Variants in BORCS5 observed in about 807,000 individuals in gnomAD.
BORCS5 encodes the protein BLOC-1-related complex subunit 5.
Under a neutral mutation model 22.1 loss-of-function variants are expected in BORCS5, and 17 were observed. That is an observed-to-expected ratio of 0.77 (90% CI 0.53 to 1.15). The LOEUF (loss-of-function observed/expected upper bound fraction) is 1.15, where lower values mean the gene tolerates loss of function less well. Ranked by LOEUF, BORCS5 falls within the 50% of genes most tolerant of loss-of-function variation. BORCS5 has a pLI of 0.00. For missense variants in BORCS5, 247 were observed against 253.2 expected, an observed-to-expected ratio of 0.98 and a Z score of 0.17; for synonymous variants, 117 against 99.8, an observed-to-expected ratio of 1.17 and a Z score of -1.03.
intron 2 of BORCS5, among the ~76,000 whole-genome samples, chr12:12,415,243 C>G (rs1275663138): frequency 1.3e-5 from 2 of 151,174 alleles, no homozygotes; most frequent in African/African-American, 4.8e-5. Context: ...CGCCACTGCA[C>G]TCCAGCCTGG....
At chr12:12,438,360 C>CAAAA (rs57737663) in intron 3 of BORCS5, among the ~76,000 whole-genome samples, 8 of 23,786 alleles carry the variant, frequency 3.4e-4, no homozygotes, top group African/African-American at 6.9e-4. Context: ...GATTTCATCT[C>CAAAA]AAAAAAAAAA....
intron 1 of BORCS5, 63 bp from the exon 2 acceptor site, chr12:12,361,143 A>T (rs1863274653): frequency 6.6e-7 from 1 of 1,526,296 alleles, no homozygotes; most frequent in South Asian, 1.2e-5. Flanking sequence ...TACACCAAAA[A>T]CTGCTTTGGT....
intron 2 of BORCS5, among the ~76,000 whole-genome samples, chr12:12,418,686 C>G (rs571532792): frequency 6.6e-6 from 1 of 152,270 alleles, no homozygotes; most frequent in South Asian, 2.1e-4. Flanking sequence ...GACTCTCTTT[C>G]AGTATAGCTC....
At chr12:12,368,247 T>C (rs1863445300) in intron 2 of BORCS5, among the ~76,000 whole-genome samples, 1 of 152,032 alleles carries the variant, frequency 6.6e-6, no homozygotes, top group Non-Finnish European at 1.5e-5. Context: ...TCCTTTAGTT[T>C]ATGATACCTC....
rs919894559 is a variant in BORCS5, at chr12:12,357,269, CCTT to C, written c.-180_-178del. The C allele has an allele frequency of 1.6e-5, 23 of 1,458,918 alleles. No homozygotes were observed. The highest frequency in any genetic ancestry group is 9.9e-5 in the African/African-American group (7 of 70,506). 90.4% of individuals were successfully genotyped at this position (1,458,918 alleles called of 1,614,324 possible). A position where few individuals can be genotyped will look rare whatever the true frequency, so the allele number is the denominator to read the frequency against. On this transcript the variant is annotated 5_prime_UTR_variant, in exon 1 of 4. Coordinates refer to ENST00000314565, the MANE Select transcript of BORCS5 (RefSeq NM_058169.6). ...TTTCTGTTCCCCAAATAGGGCCTCT[CCTT>C]CTCCCGCCGCCCAGGCCCCTGCGTG...
At position 12,415,529 on chromosome 12, in the gene BORCS5, G is replaced by GGGAGACCGTGGAA. The variant is rs1179860414; in HGVS notation, c.203-20086_203-20074dup. Among the ~76,000 whole-genome samples, 183 of 114,964 alleles carry GGGAGACCGTGGAA rather than the reference G, an allele frequency of 1.6e-3. 7 individuals are homozygous for GGGAGACCGTGGAA. Among genetic ancestry groups the GGGAGACCGTGGAA allele is most frequent in the African/African-American group, 5.2e-3 (146 of 28,138 alleles). 75.4% of individuals were successfully genotyped at this position (114,964 alleles called of 152,430 possible). On this transcript the variant is annotated intron_variant, in intron 2 of 3. Transcript: ENST00000314565. ...TGTCCAGCTTTGGCTCGGCATCAGA[G>GGGAGACCGTGGAA]GGAGACCGTGGAAGGAGACCGTGGA... is the stretch of plus-strand genomic sequence containing the variant.
chr12:12,386,287 C>T lies in BORCS5; in HGVS notation c.202+24938C>T, dbSNP rs1173136244. On this transcript the variant is annotated intron_variant, in intron 2 of 3. Coordinates refer to ENST00000314565, the MANE Select transcript of BORCS5 (RefSeq NM_058169.6). ...AAGTGCTGGGATTACAGGTGTGAGCCACTGTGCCTGGCCCCCCATTTGCTT... is the reference window on the plus strand; with the variant it reads ...AAGTGCTGGGATTACAGGTGTGAGCTACTGTGCCTGGCCCCCCATTTGCTT... 1.3e-5 allele frequency among the ~76,000 whole-genome samples: 2 copies of T among 150,564 alleles called. 1 individual carries two copies. The highest frequency in any genetic ancestry group is 3.0e-5 in the Non-Finnish European group (2 of 67,554).
At chr12:12,461,839 A>G (rs1343612867) in intron 3 of BORCS5, among the ~76,000 whole-genome samples, 1 of 152,244 alleles carries the variant, frequency 6.6e-6, no homozygotes, top group Non-Finnish European at 1.5e-5. Context: ...GTCATGTGTC[A>G]CGGCAAGGCG....
At chr12:12,437,219 T>C (rs377638372) in intron 3 of BORCS5, among the ~76,000 whole-genome samples, 1 of 152,182 alleles carries the variant, frequency 6.6e-6, no homozygotes, top group Non-Finnish European at 1.5e-5. Context: ...AGTGAATAAG[T>C]CTCATGAGAC....
chr12:12,464,396 G>T (rs941662103), intron 3 of BORCS5, among the ~76,000 whole-genome samples: 1 of 152,130 alleles, frequency 6.6e-6, no homozygotes, highest in Admixed American at 6.5e-5. Context: ...TTGGTCCCCC[G>T]TGTTTTCATG....
At chr12:12,458,989 A>T (rs534917970) in intron 3 of BORCS5, among the ~76,000 whole-genome samples, 3 of 152,014 alleles carry the variant, frequency 2.0e-5, no homozygotes, top group African/African-American at 7.2e-5. Context: ...AATTAAAAAA[A>T]AGAGAGAGAT....
chr12:12,442,685 A>G (rs1942708326), intron 3 of BORCS5, among the ~76,000 whole-genome samples: 2 of 152,224 alleles, frequency 1.3e-5, no homozygotes, highest in Non-Finnish European at 2.9e-5. Context: ...TCTTTCCATT[A>G]GATAATGACT....
intron 1 of BORCS5, 72 bp downstream of exon 1, chr12:12,357,581 AG>A: frequency 6.7e-7 from 1 of 1,501,568 alleles, no homozygotes; most frequent in East Asian, 2.4e-5. Flanking sequence ...CTCCCAGACT[AG>A]GGTCAGGGAC....
intron 2 of BORCS5, among the ~76,000 whole-genome samples, chr12:12,422,981 CTT>C (rs934703913): frequency 7.8e-6 from 1 of 128,330 alleles, no homozygotes; most frequent in East Asian, 2.2e-4. Flanking sequence ...AATACATGGG[CTT>C]TTTTTTTTTT....
intron 2 of BORCS5, among the ~76,000 whole-genome samples, chr12:12,431,769 C>T (rs1942435287): frequency 6.6e-6 from 1 of 151,650 alleles, no homozygotes; most frequent in African/African-American, 2.4e-5. Context: ...TCTTGGCTCA[C>T]TTCAGCCTTT....
intron 2 of BORCS5, among the ~76,000 whole-genome samples, chr12:12,371,508 A>G (rs1863528197): frequency 6.6e-6 from 1 of 151,974 alleles, no homozygotes; most frequent in East Asian, 1.9e-4. Flanking sequence ...TGCCTAGGCT[A>G]GTCTCAAACT....
chr12:12,402,118 A>G (rs1259517757), intron 2 of BORCS5, among the ~76,000 whole-genome samples: 5 of 152,002 alleles, frequency 3.3e-5, no homozygotes, highest in Non-Finnish European at 1.5e-5. Flanking sequence ...CTTTTTGTAA[A>G]TATAAATATA....
At chr12:12,463,634 A>G (rs183582129) in intron 3 of BORCS5, among the ~76,000 whole-genome samples, 1 of 152,334 alleles carries the variant, frequency 6.6e-6, no homozygotes, top group East Asian at 1.9e-4. Context: ...GTCAGCACGC[A>G]TGAACAACCT....
intron 2 of BORCS5, among the ~76,000 whole-genome samples, chr12:12,403,813 G>A (rs1941531875): frequency 2.0e-5 from 3 of 152,172 alleles, no homozygotes; most frequent in African/African-American, 7.2e-5. Context: ...GAACCAAGGA[G>A]TGGACTTGCT....
Sources: gnomAD v4.1 joint callset for allele counts (sites outside exome capture counted in the v4.1 genomes callset) on GRCh38, gnomAD v4.1.1 for gene constraint, MANE v1.5 for transcripts, NCBI Gene and HGNC (gene_info 2026-07-23, HGNC 2026-07-21) for gene names.